PLB1: variants seen among roughly 807,000 people sequenced by gnomAD.
PLB1 encodes phospholipase B1.
A neutral mutation model predicts 227.4 loss-of-function variants in PLB1; 242 were observed. That is an observed-to-expected ratio of 1.06 (90% CI 0.96 to 1.18). The LOEUF (loss-of-function observed/expected upper bound fraction) is 1.18, where lower values mean the gene tolerates loss of function less well. Ranked by LOEUF, PLB1 falls within the 50% of genes most tolerant of loss-of-function variation. The probability of loss-of-function intolerance (pLI) is 0.00; values close to 1 mark genes in which losing one functional copy is unlikely to be tolerated. For missense variants in PLB1, 1,858 were observed against 1,816.3 expected (o/e 1.02, Z -0.42); for synonymous variants, 757 against 682.2 (o/e 1.11, Z -1.71).
At chr2:28,630,737 TG>T (rs1469295815) in intron 54 of PLB1, 73 bp downstream of exon 54, 24 of 1,284,838 alleles carry the variant, frequency 1.9e-5, no homozygotes, top group Non-Finnish European at 2.5e-5. Context: ...GGAAATCGAA[TG>T]CCCAGCAGGA....
At chr2:28,522,404 G>C (rs576597533) in intron 4 of PLB1, among the ~76,000 whole-genome samples, 1 of 152,140 alleles carries the variant, frequency 6.6e-6, no homozygotes, top group African/African-American at 2.4e-5. Flanking sequence ...GTCAGGGTGG[G>C]GGTGGAGGGT....
intron 24 of PLB1, 34 bp downstream of exon 24, chr2:28,582,167 G>T: frequency 6.3e-7 from 1 of 1,595,342 alleles, no homozygotes; most frequent in African/African-American, 1.3e-5. Context: ...CTGCATCTTA[G>T]ACCTCAGACC....
chr2:28,525,808 C>T, intron 5 of PLB1, 97 bp from the exon 6 acceptor site: 6 of 1,459,218 alleles, frequency 4.1e-6, no homozygotes, highest in Non-Finnish European at 5.7e-6. Flanking sequence ...AAGGCTAGGC[C>T]AAAGACTACT....
At position 28,532,317 on chromosome 2, in the gene PLB1, C is replaced by CATGGATGGATGGATGG. The variant is rs10656827; in HGVS notation, c.555+138_555+153dup. ...GGGGCTAATGCCACCTATTTTAGAA[C>CATGGATGGATGGATGG]ATGGATGGATGGATGGATGGATGGA... On this transcript the variant is annotated intron_variant, in intron 9 of 57. Transcript: ENST00000327757. 1,381 of 597,868 alleles carry CATGGATGGATGGATGG rather than the reference C, an allele frequency of 2.3e-3. 16 individuals are homozygous for CATGGATGGATGGATGG. The African/African-American group carries it at 0.023, about 10-fold the overall frequency. 37.0% of individuals were successfully genotyped at this position (597,868 alleles called of 1,614,324 possible). A position where few individuals can be genotyped will look rare whatever the true frequency, so the allele number is the denominator to read the frequency against.
intron 6 of PLB1, among the ~76,000 whole-genome samples, chr2:28,527,497 C>T (rs1670429285): frequency 6.6e-6 from 1 of 152,232 alleles, no homozygotes; most frequent in South Asian, 2.1e-4. Flanking sequence ...AGGCTCAGCC[C>T]ACCTGACCAT....
chr2:28,591,936 T>G (rs1248224644), intron 31 of PLB1, among the ~76,000 whole-genome samples, 176 bp downstream of exon 31: 1 of 152,166 alleles, frequency 6.6e-6, no homozygotes, highest in Non-Finnish European at 1.5e-5. Context: ...TGGCTGGTGG[T>G]GACACCATGC....
chr2:28,642,819 C>T lies in PLB1; in HGVS notation c.4174-39C>T, dbSNP rs112887987. 9,047 of 1,515,576 alleles carry T rather than the reference C, an allele frequency of 6.0e-3. 70 individuals carry two copies. Among genetic ancestry groups the T allele is most frequent in the Middle Eastern group, 6.8e-3 (40 of 5,884 alleles). 93.9% of individuals were successfully genotyped at this position (1,515,576 alleles called of 1,614,324 possible). A position where few individuals can be genotyped will look rare whatever the true frequency, so the allele number is the denominator to read the frequency against. On this transcript the variant is annotated intron_variant, in intron 57 of 57. Coordinates refer to ENST00000327757, the MANE Select transcript of PLB1 (RefSeq NM_153021.5). ...TCTTGGCTTGGTGATGGATGGTTCA[C>T]GGAGATCCTTTCCACTGACCCCCGC...
intron 20 of PLB1, among the ~76,000 whole-genome samples, chr2:28,567,194 A>G (rs1192987898): frequency 2.6e-5 from 4 of 151,812 alleles, no homozygotes; most frequent in Non-Finnish European, 4.4e-5. Flanking sequence ...GAGAGAATAA[A>G]GAAAAGTGAT....
chr2:28,613,931 T>G (rs1685827155), intron 43 of PLB1, 100 bp from the exon 44 acceptor site: 1 of 950,212 alleles, frequency 1.1e-6, no homozygotes, highest in Non-Finnish European at 1.7e-6. Context: ...AGAAGAATCA[T>G]GTTAAATAAA....
chr2:28,639,556 G>A (rs1003025251), intron 56 of PLB1, among the ~76,000 whole-genome samples: 4 of 152,308 alleles, frequency 2.6e-5, no homozygotes, highest in Admixed American at 2.0e-4. Flanking sequence ...GAAAGGGCAG[G>A]TGAAGGAGGG....
intron 57 of PLB1, among the ~76,000 whole-genome samples, chr2:28,641,476 C>T (rs1467276216): frequency 1.3e-5 from 2 of 152,080 alleles, no homozygotes; most frequent in Non-Finnish European, 2.9e-5. Context: ...GGCATGGTGG[C>T]GGGCGCCTGT....
At chr2:28,525,770 C>G in intron 5 of PLB1, 135 bp from the exon 6 acceptor site, 2 of 1,085,818 alleles carry the variant, frequency 1.8e-6, no homozygotes, top group South Asian at 1.5e-5. Flanking sequence ...GCCTATAACC[C>G]CTGGGAGGAT....
At chr2:28,543,925 A>C (rs4666090) in intron 14 of PLB1, among the ~76,000 whole-genome samples, 1 of 152,224 alleles carries the variant, frequency 6.6e-6, no homozygotes, top group Non-Finnish European at 1.5e-5. Flanking sequence ...CAGGGGATGG[A>C]ATGTGGCGTC....
chr2:28,625,741 C>A (rs908139869), intron 50 of PLB1, among the ~76,000 whole-genome samples: 2 of 152,122 alleles, frequency 1.3e-5, no homozygotes, highest in Admixed American at 1.3e-4. Context: ...CCTACAGCTC[C>A]CTGGAAGGCC....
Position 28,591,253 on chromosome 2 carries a change from G to A in PLB1, c.2127+82G>A. On this transcript the variant is annotated intron_variant, in intron 30 of 57. Coordinates refer to ENST00000327757, the MANE Select transcript of PLB1 (RefSeq NM_153021.5). Reference sequence around the variant, plus strand: ...GCTGGGACAGGCCCAACAGGACAGGGTGGGAAAGCGGGCAAGAGTTCTAGA... The same window carrying A: ...GCTGGGACAGGCCCAACAGGACAGGATGGGAAAGCGGGCAAGAGTTCTAGA... 5 of 1,565,814 alleles carry A rather than the reference G, an allele frequency of 3.2e-6. No homozygotes were observed. In the Middle Eastern group the frequency reaches 5.0e-4, roughly 158 times the overall value.
In PLB1 at chr2:28,618,337, C is replaced by T. The variant is rs1686486602; in HGVS notation, c.3257-4C>T. The T allele has an allele frequency of 6.2e-7, 1 of 1,614,072 alleles. No homozygotes were observed. Among genetic ancestry groups the T allele is most frequent in the East Asian group, 2.2e-5 (1 of 44,884 alleles). ...ACAACCACCTCTCTGCTTGTCTCCC[C>T]TAGTCCACCAGCTCCGACCAGCAGA... On this transcript the variant is annotated splice_polypyrimidine_tract_variant and splice_region_variant and intron_variant, in intron 45 of 57. Transcript: ENST00000327757.
intron 46 of PLB1, 128 bp from the exon 47 acceptor site, chr2:28,620,137 G>A (rs969141579): frequency 8.6e-6 from 5 of 583,730 alleles, no homozygotes; most frequent in African/African-American, 7.6e-5. Flanking sequence ...ATATGGCCTG[G>A]AGAAAAGCCG....
At chr2:28,591,313 G>T in intron 30 of PLB1, 142 bp downstream of exon 30, 7 of 1,009,602 alleles carry the variant, frequency 6.9e-6, no homozygotes, top group Non-Finnish European at 1.1e-5. Flanking sequence ...CCTTCAGATG[G>T]GGTAGTGGGC....
chr2:28,586,651 G>A (rs1449173183), intron 26 of PLB1, among the ~76,000 whole-genome samples: 1 of 152,168 alleles, frequency 6.6e-6, no homozygotes, highest in Non-Finnish European at 1.5e-5. Context: ...CAGGGCTCAG[G>A]GAAATGAACC....
Sources: allele counts gnomAD v4.1 joint callset (sites outside exome capture counted in the v4.1 genomes callset), GRCh38; gene constraint gnomAD v4.1.1; transcripts MANE v1.5; gene names NCBI Gene and HGNC (gene_info 2026-07-23, HGNC 2026-07-21).